The following AOPEP variants were observed in gnomAD, a reference collection of about 807,000 sequenced individuals.
The protein encoded by AOPEP is aminopeptidase O (putative).
A neutral mutation model predicts 98.1 loss-of-function variants in AOPEP; 77 were observed. The ratio of observed to expected loss-of-function variants is 0.78; its 90% CI spans 0.65 to 0.95. AOPEP has a LOEUF of 0.95. AOPEP is among the 40% of genes least tolerant of loss of function. AOPEP has a pLI of 0.00. For synonymous variants in AOPEP, 346 were observed against 365.3 expected (o/e 0.95, Z 0.60); for missense variants, 1,024 against 1,024.7 (o/e 1.00, Z 0.01).
intron 7 of AOPEP, among the ~76,000 whole-genome samples, chr9:94,951,898 A>G (rs2058124171): frequency 1.3e-5 from 2 of 152,332 alleles, no homozygotes; most frequent in South Asian, 4.1e-4. Context: ...AAGGAAAGCA[A>G]AAGCTTTCCC....
chr9:94,858,300 C>T (rs1040296495), intron 5 of AOPEP, among the ~76,000 whole-genome samples: 5 of 152,140 alleles, frequency 3.3e-5, no homozygotes, highest in Non-Finnish European at 7.3e-5. Context: ...ATGTAAACCT[C>T]TGTGTTTTAG....
chr9:94,965,206 G>A (rs888205197), intron 9 of AOPEP, among the ~76,000 whole-genome samples: 7 of 152,176 alleles, frequency 4.6e-5, no homozygotes, highest in Admixed American at 2.6e-4. Flanking sequence ...TGCAAGGAAC[G>A]ACTTCAGTTG....
intron 14 of AOPEP, among the ~76,000 whole-genome samples, chr9:95,066,233 G>A (rs941454236): frequency 2.0e-5 from 3 of 152,114 alleles, no homozygotes; most frequent in African/African-American, 7.2e-5. Context: ...CCTTCTTAGG[G>A]TTTTCTTTCT....
chr9:94,937,603 A>G (rs951569237), intron 7 of AOPEP, among the ~76,000 whole-genome samples: 8 of 152,174 alleles, frequency 5.3e-5, no homozygotes, highest in Non-Finnish European at 8.8e-5. Flanking sequence ...TCTTACCTCC[A>G]TGCCTTTTAA....
chr9:94,845,978 C>T (rs1554738848), intron 5 of AOPEP, among the ~76,000 whole-genome samples: 1 of 151,984 alleles, frequency 6.6e-6, no homozygotes, highest in Non-Finnish European at 1.5e-5. Flanking sequence ...GCCTGTAACC[C>T]CAGCTACTGG....
chr9:95,127,612 C>T, the AOPEP span, among the ~76,000 whole-genome samples: 1 of 152,230 alleles, frequency 6.6e-6, no homozygotes, highest in African/African-American at 2.4e-5. Context: ...CCCTGCTTCA[C>T]AGCAGCATTC....
intron 13 of AOPEP, among the ~76,000 whole-genome samples, chr9:95,016,141 T>TCC (rs1356354321): frequency 6.6e-6 from 1 of 151,486 alleles, no homozygotes; most frequent in African/African-American, 2.4e-5. Context: ...TTTTTTTTTT[T>TCC]TCCCCCCACG....
chr9:94,774,779 G>A (rs964865839), intron 3 of AOPEP, among the ~76,000 whole-genome samples: 2 of 152,140 alleles, frequency 1.3e-5, no homozygotes, highest in South Asian at 2.1e-4. Flanking sequence ...ATCCCATAAT[G>A]TTTTCCAGAA....
intron 10 of AOPEP, among the ~76,000 whole-genome samples, chr9:94,975,577 G>A (rs1429017890): frequency 6.6e-6 from 1 of 152,176 alleles, no homozygotes; most frequent in African/African-American, 2.4e-5. Context: ...GATTCCTGGG[G>A]CCCACTATCT....
intron 5 of AOPEP, among the ~76,000 whole-genome samples, chr9:94,902,723 T>C (rs1426694703): frequency 1.3e-5 from 2 of 152,048 alleles, no homozygotes; most frequent in Non-Finnish European, 2.9e-5. Context: ...TCTGTATCTG[T>C]GTGTCATTTG....
intron 7 of AOPEP, among the ~76,000 whole-genome samples, chr9:94,954,678 A>G (rs2058336136): frequency 6.6e-6 from 1 of 152,218 alleles, no homozygotes; most frequent in South Asian, 2.1e-4. Context: ...TTCTAAAAAC[A>G]TGAGCTTCTA....
rs572777282 is a variant in AOPEP, at chr9:95,070,357, G to A, written c.2232+9547G>A. 1.1e-4 allele frequency among the ~76,000 whole-genome samples: 17 copies of A among 152,314 alleles called. No individual in the cohort carries two copies. In the East Asian group the frequency reaches 2.7e-3, roughly 24 times the overall value. ...TCTTTCTGTTTACAGAAATAAAATG[G>A]AACTCTAAATGAGGTTTAATGGGCT... On this transcript the variant is annotated intron_variant, in intron 14 of 16. Coordinates refer to ENST00000375315, the MANE Select transcript of AOPEP (RefSeq NM_001193329.3).
intron 1 of AOPEP, among the ~76,000 whole-genome samples, chr9:94,749,874 TC>T (rs1463702751): frequency 6.6e-6 from 1 of 152,148 alleles, no homozygotes; most frequent in Non-Finnish European, 1.5e-5. Context: ...AATTGCTTTT[TC>T]TTTGAGTTTG....
intron 1 of AOPEP, among the ~76,000 whole-genome samples, chr9:94,728,384 T>C (rs190901973): frequency 4.1e-4 from 63 of 152,284 alleles, no homozygotes; most frequent in African/African-American, 1.5e-3. Context: ...TTAATACTTC[T>C]TTAGAAATGA....
intron 3 of AOPEP, among the ~76,000 whole-genome samples, chr9:94,789,458 AT>A (rs553460615): frequency 2.5e-4 from 37 of 150,506 alleles, no homozygotes; most frequent in African/African-American, 6.8e-4. Context: ...TTTTTTTAGG[AT>A]TTTTTTTTTA....
At chr9:95,101,670 T>C in the AOPEP span, 1 of 1,611,992 alleles carries the variant, frequency 6.2e-7, no homozygotes, top group Non-Finnish European at 8.5e-7. Context: ...GCGAGCCTGA[T>C]CCCTCACGCC....
chr9:95,005,553 G>A lies in AOPEP; in HGVS notation c.2052G>A (p.Trp684Ter). ...ARQVRAEVTK[W>*]IGVNRRPRKR... ...TTTTTGAACCTCAGGTCACGAAATG[G>A]ATTGGAGTGAACCGGAGACCCCGAA... Residue 684 changes from tryptophan (W) to a stop codon, truncating the protein, a stop_gained, in exon 13 of 17, where the codon TGG becomes TGA. Transcript: ENST00000375315. LOFTEE classifies it high-confidence loss of function. The A allele has an allele frequency of 6.2e-7, 1 of 1,614,028 alleles. No individual in the cohort carries two copies. Among genetic ancestry groups the A allele is most frequent in the South Asian group, 1.1e-5 (1 of 91,076 alleles).
chr9:94,744,539 A>G (rs1228312951), intron 1 of AOPEP, among the ~76,000 whole-genome samples: 3 of 151,878 alleles, frequency 2.0e-5, no homozygotes, highest in Non-Finnish European at 1.5e-5. Flanking sequence ...CGTCTCTAGT[A>G]AAAATACAAA....
chr9:94,805,588 A>G (rs1407439228), intron 5 of AOPEP, among the ~76,000 whole-genome samples: 1 of 152,134 alleles, frequency 6.6e-6, no homozygotes, highest in Non-Finnish European at 1.5e-5. Context: ...TCTTCACAAC[A>G]TGCTTCACTA....
Sources: gnomAD v4.1 joint callset for allele counts (sites outside exome capture counted in the v4.1 genomes callset) on GRCh38, gnomAD v4.1.1 for gene constraint, MANE v1.5 for transcripts, NCBI Gene and HGNC (gene_info 2026-07-23, HGNC 2026-07-21) for gene names.